PTPRR: variants seen among roughly 807,000 people sequenced by gnomAD.
PTPRR encodes protein tyrosine phosphatase receptor type R, also known as receptor-type tyrosine-protein phosphatase R.
PTPRR carries 38 observed loss-of-function variants against 77.2 expected under a neutral mutation model. The ratio of observed to expected loss-of-function variants is 0.49; its 90% CI spans 0.38 to 0.65. The LOEUF (loss-of-function observed/expected upper bound fraction) is 0.65. Ranked by LOEUF, PTPRR falls within the 30% of genes least tolerant of loss-of-function variation. The pLI, the probability that PTPRR is intolerant of heterozygous loss-of-function variation, is 0.00. For missense variants in PTPRR, 744 were observed against 799.2 expected (o/e 0.93, Z 0.83); for synonymous variants, 299 against 283.1 (o/e 1.06, Z -0.57).
At chr12:70,701,355 C>A (rs2136783664) in intron 6 of PTPRR, 32 bp from the exon 7 acceptor site, 2 of 1,582,562 alleles carry the variant, frequency 1.3e-6, no homozygotes, top group Non-Finnish European at 8.7e-7. Context: ...TGTTTAAACA[C>A]CACATACTTA....
intron 3 of PTPRR, among the ~76,000 whole-genome samples, chr12:70,764,008 CTTTTTT>C (rs1249116948): frequency 7.6e-6 from 1 of 132,200 alleles, no homozygotes; most frequent in Non-Finnish European, 1.6e-5. Flanking sequence ...TTTGGGTTTA[CTTTTTT>C]TTTTTTTTTT....
chr12:70,667,105 G>A (rs1379993626), intron 10 of PTPRR, among the ~76,000 whole-genome samples: 4 of 151,582 alleles, frequency 2.6e-5, no homozygotes, highest in Middle Eastern at 3.2e-3. Context: ...ACAGGCGCCC[G>A]CCACCATGCC....
At chr12:70,903,082 G>A (rs1893565602) in intron 1 of PTPRR, among the ~76,000 whole-genome samples, 1 of 151,724 alleles carries the variant, frequency 6.6e-6, no homozygotes, top group Non-Finnish European at 1.5e-5. Context: ...GTAGAAAGAT[G>A]GTTATCAAAG....
At chr12:70,719,399 A>G (rs1413744342) in intron 6 of PTPRR, among the ~76,000 whole-genome samples, 1 of 152,116 alleles carries the variant, frequency 6.6e-6, no homozygotes, top group Non-Finnish European at 1.5e-5. Context: ...GATCATATCT[A>G]CAGCAAAACG....
intron 1 of PTPRR, among the ~76,000 whole-genome samples, chr12:70,901,760 T>C (rs906474282): frequency 2.0e-5 from 3 of 151,718 alleles, no homozygotes; most frequent in African/African-American, 7.2e-5. Flanking sequence ...AGTTGGGACT[T>C]AATCATTAAT....
intron 10 of PTPRR, chr12:70,673,097 C>T: frequency 3.1e-6 from 3 of 974,736 alleles, no homozygotes; most frequent in Non-Finnish European, 4.0e-6. Flanking sequence ...AGTTCTGGTA[C>T]AATGACATCC....
At chr12:70,878,671 A>G (rs1893095464) in intron 2 of PTPRR, among the ~76,000 whole-genome samples, 1 of 152,244 alleles carries the variant, frequency 6.6e-6, no homozygotes, top group Non-Finnish European at 1.5e-5. Flanking sequence ...AACTAGTTCA[A>G]CCACTGTGGA....
intron 2 of PTPRR, among the ~76,000 whole-genome samples, chr12:70,767,307 G>A (rs1388017576): frequency 1.3e-5 from 2 of 151,368 alleles, no homozygotes; most frequent in East Asian, 1.9e-4. Context: ...TCAAAATAAA[G>A]GGATGGAGGA....
At chr12:70,681,684 T>C (rs1359530975) in intron 10 of PTPRR, among the ~76,000 whole-genome samples, 2 of 152,204 alleles carry the variant, frequency 1.3e-5, no homozygotes, top group East Asian at 3.8e-4. Flanking sequence ...TCTTATTTGT[T>C]GTTTTGGCTC....
chr12:70,761,773 C>T (rs1890697163), intron 3 of PTPRR, 147 bp from the exon 4 acceptor site: 2 of 597,430 alleles, frequency 3.3e-6, no homozygotes, highest in South Asian at 1.1e-4. Context: ...TAGTTATTCT[C>T]TGATAGACTT....
At chr12:70,879,767 T>C (rs1049339205) in intron 2 of PTPRR, among the ~76,000 whole-genome samples, 7 of 152,214 alleles carry the variant, frequency 4.6e-5, no homozygotes, top group African/African-American at 1.4e-4. Flanking sequence ...GCGTAGTGAC[T>C]GTTTAGACAG....
chr12:70,721,156 A>G (rs1412776430), intron 6 of PTPRR, among the ~76,000 whole-genome samples: 1 of 152,232 alleles, frequency 6.6e-6, no homozygotes, highest in Non-Finnish European at 1.5e-5. Context: ...GCTCTTACTT[A>G]CACATGGTAC....
chr12:70,853,278 TTAAA>T (rs1301537645), intron 2 of PTPRR, among the ~76,000 whole-genome samples: 1 of 152,240 alleles, frequency 6.6e-6, no homozygotes, highest in African/African-American at 2.4e-5. Context: ...CATCTAATAA[TTAAA>T]TAATCTGTTC....
intron 5 of PTPRR, 127 bp from the exon 6 acceptor site, chr12:70,746,213 T>C (rs1404457517): frequency 1.1e-6 from 1 of 869,664 alleles, no homozygotes; most frequent in Non-Finnish European, 1.7e-6. Context: ...CAAAGCCCTC[T>C]GAGAGATGAT....
intron 2 of PTPRR, among the ~76,000 whole-genome samples, chr12:70,776,162 A>T (rs981027463): frequency 6.6e-6 from 1 of 152,106 alleles, no homozygotes; most frequent in Non-Finnish European, 1.5e-5. Context: ...CTACATTCAC[A>T]TAATGGAATG....
At chr12:70,683,004 C>G (rs1887732561) in intron 10 of PTPRR, among the ~76,000 whole-genome samples, 1 of 151,890 alleles carries the variant, frequency 6.6e-6, no homozygotes, top group African/African-American at 2.4e-5. Context: ...CAAAAATATG[C>G]TATTTTTCCA....
intron 1 of PTPRR, among the ~76,000 whole-genome samples, chr12:70,912,136 A>C (rs1893709649): frequency 6.6e-6 from 1 of 152,234 alleles, no homozygotes; most frequent in Non-Finnish European, 1.5e-5. Flanking sequence ...CCATACATTT[A>C]CATTAATGGA....
intron 2 of PTPRR, among the ~76,000 whole-genome samples, chr12:70,833,638 T>C (rs1268487425): frequency 6.6e-6 from 1 of 152,194 alleles, no homozygotes; most frequent in African/African-American, 2.4e-5. Context: ...AATCCCACCA[T>C]AAGCCTCAAT....
At chr12:70,831,462 A>G (rs1172520666) in intron 2 of PTPRR, among the ~76,000 whole-genome samples, 2 of 152,168 alleles carry the variant, frequency 1.3e-5, no homozygotes, top group Non-Finnish European at 2.9e-5. Flanking sequence ...CCAGGCTGGT[A>G]AGAAAATTGA....
Sources: gnomAD v4.1 joint callset for allele counts (sites outside exome capture counted in the v4.1 genomes callset) on GRCh38, gnomAD v4.1.1 for gene constraint, MANE v1.5 for transcripts, NCBI Gene and HGNC (gene_info 2026-07-23, HGNC 2026-07-21) for gene names.